Variants in BRCA1 observed in about 807,000 individuals in gnomAD.
The protein encoded by BRCA1 is BRCA1 DNA repair associated.
BRCA1 carries 140 observed loss-of-function variants against 173.7 expected under a neutral mutation model. That is an observed-to-expected ratio of 0.81 (90% CI 0.70 to 0.93). BRCA1 has a LOEUF of 0.93. Among genes scored for constraint, BRCA1 ranks in the 40% least tolerant of loss-of-function variants. The pLI is 0.00. For missense variants in BRCA1, 1,983 were observed against 2,172.5 expected, an observed-to-expected ratio of 0.91 and a Z score of 1.73; for synonymous variants, 662 against 756.0, an observed-to-expected ratio of 0.88 and a Z score of 2.04.
At position 43,091,150 on chromosome 17, in the gene BRCA1, TA is replaced by T. The variant is rs2053454416; in HGVS notation, c.4097-119del. The T allele has an allele frequency of 5.6e-6, 6 of 1,076,534 alleles. No individual in the cohort carries two copies. In the East Asian group the frequency reaches 1.5e-4, roughly 28 times the overall value. 66.7% of individuals were successfully genotyped at this position (1,076,534 alleles called of 1,614,324 possible). A position where few individuals can be genotyped will look rare whatever the true frequency, so the allele number is the denominator to read the frequency against. On this transcript the variant is annotated intron_variant, in intron 10 of 22. Coordinates refer to ENST00000357654, the MANE Select transcript of BRCA1 (RefSeq NM_007294.4). ...TTACTTTCATGTCACACAAAATGAT[TA>T]AATTCCTTGCTTTGGGACACCTGGA...
rs8176280 is a variant in BRCA1, at chr17:43,057,610, C to A, written c.5194-475G>T. Among the ~76,000 whole-genome samples, 1,230 of 151,404 alleles carry A rather than the reference C, an allele frequency of 8.1e-3. 16 individuals carry two copies. The highest frequency in any genetic ancestry group is 0.028 in the African/African-American group (1,156 of 41,274). ...CAGGACTTTGGGAGGCCGAGACAGG[C>A]GGATCACGAGGTCAGGAGATCGAGA... On this transcript the variant is annotated intron_variant, in intron 18 of 22. Coordinates refer to ENST00000357654, the MANE Select transcript of BRCA1 (RefSeq NM_007294.4).
intron 7 of BRCA1, 66 bp from the exon 8 acceptor site, chr17:43,097,355 G>A (rs758892386): frequency 2.3e-6 from 3 of 1,284,088 alleles, no homozygotes; most frequent in South Asian, 1.2e-5. Flanking sequence ...TTAAAAAAAT[G>A]TACTTGTTGA....
chr17:43,138,337 A>G lies in BRCA1; in HGVS notation c.-19-14222T>C, dbSNP rs542182609. On this transcript the variant is annotated intron_variant, in intron 1 of 7. Coordinates refer to the BRCA1 transcript ENST00000634433. ...GGACCGCTCAGCTTTCATTCCAGTGAAAACATTCCAGAACAAACTCCAGGT... is the reference window on the plus strand; with the variant it reads ...GGACCGCTCAGCTTTCATTCCAGTGGAAACATTCCAGAACAAACTCCAGGT... The G allele has an allele frequency of 8.0e-4, 337 of 423,186 alleles. 1 individual carries two copies. The highest frequency in any genetic ancestry group is 2.7e-3 in the Middle Eastern group (4 of 1,464). 26.2% of individuals were successfully genotyped at this position (423,186 alleles called of 1,614,324 possible).
chr17:43,131,388 A>G (rs2055964261), intron 1 of BRCA1: 2 of 349,400 alleles, frequency 5.7e-6, no homozygotes, highest in South Asian at 2.2e-5. Context: ...CAAAATAATA[A>G]TAATAATAAT....
chr17:43,130,666 C>A (rs534421409), intron 1 of BRCA1, among the ~76,000 whole-genome samples: 58 of 152,264 alleles, frequency 3.8e-4, no homozygotes, highest in Middle Eastern at 3.4e-3. Flanking sequence ...CTTGCATATT[C>A]ATTTTTAATT....
chr17:43,123,710 C>T (rs966695187), intron 2 of BRCA1, among the ~76,000 whole-genome samples: 6 of 152,084 alleles, frequency 3.9e-5, no homozygotes, highest in African/African-American at 1.4e-4. Context: ...GGAAGAAAAG[C>T]CAAAATGCCA....
intron 17 of BRCA1, 60 bp downstream of exon 17, chr17:43,063,814 G>C (rs1383295945): frequency 7.2e-7 from 1 of 1,389,450 alleles, no homozygotes; most frequent in African/African-American, 1.4e-5. Context: ...TAAACGTTAG[G>C]TGTAAAAATG....
intron 22 of BRCA1, 34 bp from the exon 23 acceptor site, chr17:43,045,836 C>T (rs1348368111): frequency 1.2e-5 from 19 of 1,563,582 alleles, no homozygotes; most frequent in Non-Finnish European, 1.7e-5. Flanking sequence ...AGATTAGTGT[C>T]AATTCATTCT....
intron 18 of BRCA1, among the ~76,000 whole-genome samples, chr17:43,061,207 A>G (rs1567767383): frequency 6.6e-6 from 1 of 152,162 alleles, no homozygotes. Context: ...TCTGCCTATA[A>G]GATGCATTCC....
chr17:43,071,118 G>A lies in BRCA1; in HGVS notation c.4796C>T (p.Ala1599Val), dbSNP rs749702730. ...AACTTTCAATTGGGGAACTTTCAAT[G>A]CAGAGGTTGAAGATGGTATGTTGCC... is the stretch of plus-strand genomic sequence containing the variant. ...RVGNIPSSTS[A>V]LKVPQLKVAE... The change falls in exon 15 of 23, where the codon GCA becomes GTA. Residue 1599 changes from alanine (A) to valine (V), a missense_variant. Coordinates refer to ENST00000357654, the MANE Select transcript of BRCA1 (RefSeq NM_007294.4). The A allele has an allele frequency of 2.5e-6, 4 of 1,614,208 alleles. No individual in the cohort carries two copies. In the South Asian group the frequency reaches 4.4e-5, roughly 18 times the overall value.
At chr17:43,083,404 C>T (rs887157419) in intron 11 of BRCA1, among the ~76,000 whole-genome samples, 8 of 152,176 alleles carry the variant, frequency 5.3e-5, no homozygotes, top group African/African-American at 1.9e-4. Context: ...GATCAGCCCG[C>T]CTCGGCCTCC....
intron 11 of BRCA1, among the ~76,000 whole-genome samples, chr17:43,088,992 G>A (rs1467878654): frequency 6.6e-6 from 1 of 152,084 alleles, no homozygotes; most frequent in Non-Finnish European, 1.5e-5. Flanking sequence ...ATGAGAACTT[G>A]GAAAATTTTG....
intron 1 of BRCA1, among the ~76,000 whole-genome samples, chr17:43,158,391 C>T (rs1414941516): frequency 1.3e-5 from 2 of 152,018 alleles, no homozygotes; most frequent in Admixed American, 6.6e-5. Flanking sequence ...TTTTGTTTAG[C>T]TAAAATGTTG....
chr17:43,089,548 TC>T (rs1260400117), intron 11 of BRCA1, among the ~76,000 whole-genome samples: 1 of 133,470 alleles, frequency 7.5e-6, no homozygotes, highest in Non-Finnish European at 1.7e-5. Context: ...TTGTGTACTT[TC>T]TTTTTTTTTT....
At chr17:43,059,185 C>A (rs369133299) in intron 18 of BRCA1, among the ~76,000 whole-genome samples, 6 of 152,042 alleles carry the variant, frequency 3.9e-5, no homozygotes, top group African/African-American at 1.4e-4. Flanking sequence ...TGCATCTGGC[C>A]GGGCACAGTG....
rs542486635 is a variant in BRCA1 at position 43,142,980 on chromosome 17, GTA to G, written c.-19-18867_-19-18866del. Among the ~76,000 whole-genome samples, 251 of 144,118 alleles carry G rather than the reference GTA, an allele frequency of 1.7e-3. 1 individual carries two copies. Among genetic ancestry groups the G allele is most frequent in the African/African-American group, 5.3e-3 (206 of 39,040 alleles). The allele number at this position is 144,118 out of a possible 152,430, so 94.5% of individuals were successfully genotyped here. ...TGTGTGTGTGTGTATATATATGTGT[GTA>G]TATATATATGTATATATGTATATAT... is the stretch of plus-strand genomic sequence containing the variant. On this transcript the variant is annotated intron_variant, in intron 1 of 7. Transcript: ENST00000634433.
chr17:43,069,901 T>G (rs1187670585), intron 15 of BRCA1, among the ~76,000 whole-genome samples: 1 of 152,194 alleles, frequency 6.6e-6, no homozygotes, highest in Non-Finnish European at 1.5e-5. Context: ...TGGTATGTTA[T>G]CTCATCATAG....
intron 1 of BRCA1, among the ~76,000 whole-genome samples, chr17:43,139,335 C>T (rs1367935690): frequency 6.6e-6 from 1 of 151,470 alleles, no homozygotes; most frequent in Non-Finnish European, 1.5e-5. Context: ...ATTTCGTCAC[C>T]CAGGCACTAG....
At chr17:43,064,519 T>C (rs2051968553) in intron 16 of BRCA1, among the ~76,000 whole-genome samples, 1 of 152,222 alleles carries the variant, frequency 6.6e-6, no homozygotes, top group Admixed American at 6.5e-5. Flanking sequence ...AAGAATCACT[T>C]GTTTATTTCC....
Sources: gnomAD v4.1 joint callset for allele counts (sites outside exome capture counted in the v4.1 genomes callset) on GRCh38, gnomAD v4.1.1 for gene constraint, MANE v1.5 for transcripts, NCBI Gene and HGNC (gene_info 2026-07-23, HGNC 2026-07-21) for gene names.